USP33: variants seen among roughly 807,000 people sequenced by gnomAD.
USP33 encodes ubiquitin carboxyl-terminal hydrolase 33.
Under a neutral mutation model 124.2 loss-of-function variants are expected in USP33, and 46 were observed. The ratio of observed to expected loss-of-function variants is 0.37; its 90% CI spans 0.29 to 0.47. The LOEUF is 0.47. Ranked by LOEUF, USP33 falls within the 20% of genes least tolerant of loss-of-function variation. USP33 has a pLI of 0.99. For missense variants in USP33, 851 were observed against 1,070.6 expected, an observed-to-expected ratio of 0.79 and a Z score of 2.86; for synonymous variants, 350 against 352.3, an observed-to-expected ratio of 0.99 and a Z score of 0.07.
At chr1:77,727,051 A>G (rs1018326653) in intron 10 of USP33, among the ~76,000 whole-genome samples, 5 of 152,230 alleles carry the variant, frequency 3.3e-5, no homozygotes, top group Non-Finnish European at 7.3e-5. Context: ...GCATTTCTCA[A>G]TATTTCAATC....
At chr1:77,735,431 T>C (rs1484471331) in intron 6 of USP33, among the ~76,000 whole-genome samples, 1 of 152,126 alleles carries the variant, frequency 6.6e-6, no homozygotes, top group Non-Finnish European at 1.5e-5. Context: ...TCCAGTAAAA[T>C]TAATAGTGTG....
intron 1 of USP33, among the ~76,000 whole-genome samples, chr1:77,750,403 C>A (rs1385158324): frequency 6.6e-6 from 1 of 151,658 alleles, no homozygotes; most frequent in Non-Finnish European, 1.5e-5. Flanking sequence ...GAGGCCAAGG[C>A]GGGAAGATCA....
chr1:77,719,662 G>C (rs1489034517), intron 15 of USP33, among the ~76,000 whole-genome samples: 1 of 151,928 alleles, frequency 6.6e-6, no homozygotes, highest in Non-Finnish European at 1.5e-5. Flanking sequence ...AGACCAGCCT[G>C]ACCAATATGG....
chr1:77,716,955 T>C (rs563287076), intron 17 of USP33, among the ~76,000 whole-genome samples: 2 of 151,538 alleles, frequency 1.3e-5, no homozygotes, highest in South Asian at 4.2e-4. Flanking sequence ...AACCTCCACC[T>C]TCCAGGTTCA....
chr1:77,699,530 A>T (rs1415877207), intron 22 of USP33, among the ~76,000 whole-genome samples: 1 of 152,162 alleles, frequency 6.6e-6, no homozygotes. Context: ...AAAAAGAGAG[A>T]GTCAAGAAAC....
intron 21 of USP33, among the ~76,000 whole-genome samples, chr1:77,706,977 C>G (rs1464072112): frequency 1.3e-5 from 2 of 152,164 alleles, no homozygotes; most frequent in African/African-American, 4.8e-5. Context: ...GTTGAGACAG[C>G]CCCCTGGCCA....
At chr1:77,742,290 C>A (rs1386643637) in intron 1 of USP33, among the ~76,000 whole-genome samples, 1 of 152,140 alleles carries the variant, frequency 6.6e-6, no homozygotes, top group African/African-American at 2.4e-5. Context: ...GATCCCGGCA[C>A]TATTGACACT....
In USP33 at chr1:77,759,661, G is replaced by C. The variant is rs1681143396; in HGVS notation, c.-70C>G. 5.0e-6 allele frequency: 2 copies of C among 399,142 alleles called. No homozygotes were observed. The highest frequency in any genetic ancestry group is 4.4e-5 in the Admixed American group (1 of 22,710). 24.7% of individuals were successfully genotyped at this position (399,142 alleles called of 1,614,324 possible). A position where few individuals can be genotyped will look rare whatever the true frequency, so the allele number is the denominator to read the frequency against. Reference sequence around the variant, plus strand: ...CGCTCACCTCCACGGCCTGGCCCGCGGGACCCGCCAGCTCGACCAACAACG... The same window carrying C: ...CGCTCACCTCCACGGCCTGGCCCGCCGGACCCGCCAGCTCGACCAACAACG... On this transcript the variant is annotated 5_prime_UTR_variant, in exon 1 of 24. Coordinates refer to ENST00000370794, the MANE Select transcript of USP33 (RefSeq NM_201624.3).
chr1:77,752,886 T>C (rs888311871), intron 1 of USP33, among the ~76,000 whole-genome samples: 1 of 152,042 alleles, frequency 6.6e-6, no homozygotes, highest in African/African-American at 2.4e-5. Flanking sequence ...ATTACCAGCC[T>C]AGCCAACATG....
chr1:77,697,349 CT>C lies in USP33; in HGVS notation c.2703del (p.Glu902LysfsTer5), dbSNP rs760682026. On this transcript the variant is annotated frameshift_variant, in exon 24 of 24. Transcript: ENST00000370794. LOFTEE classifies it high-confidence loss of function. Reference protein sequence around the residue: ...VHVDPDILQAEEKIEVETRSL With the variant: ...VHVDPDILQAXEKIEVETRSL ...GACCGAGTTTCTACTTCAATTTTTT[CT>C]TCTGCTTGAAGTATATCTGGATCAA... 4 of 1,602,658 alleles carry C rather than the reference CT, an allele frequency of 2.5e-6. No individual in the cohort carries two copies. The South Asian group carries it at 4.5e-5, about 18-fold the overall frequency.
In USP33 at chr1:77,740,868, T is replaced by C. The variant is rs892334233; in HGVS notation, c.198+9A>G. 2.6e-6 allele frequency: 4 copies of C among 1,553,624 alleles called. No homozygotes were observed. Among genetic ancestry groups the C allele is most frequent in the African/African-American group, 2.7e-5 (2 of 73,006 alleles). Reference sequence around the variant, plus strand: ...AACAAGTCTTCCATTAAATTTTTTATATACATACCTGAGAATGTATGGTGC... The same window carrying C: ...AACAAGTCTTCCATTAAATTTTTTACATACATACCTGAGAATGTATGGTGC... On this transcript the variant is annotated intron_variant, in intron 4 of 23. Transcript: ENST00000370794.
chr1:77,755,475 C>A (rs1680716785), intron 1 of USP33, among the ~76,000 whole-genome samples: 1 of 152,166 alleles, frequency 6.6e-6, no homozygotes, highest in African/African-American at 2.4e-5. Context: ...GTGGGAGGGT[C>A]ACTTGAGGTC....
chr1:77,697,705 A>AT, intron 23 of USP33, 158 bp downstream of exon 23: 4 of 928,784 alleles, frequency 4.3e-6, no homozygotes, highest in East Asian at 2.6e-5. Flanking sequence ...CTTTCCTCAG[A>AT]TAAAAAAAAA....
chr1:77,742,327 G>A (rs1297791831), intron 1 of USP33, among the ~76,000 whole-genome samples: 1 of 152,124 alleles, frequency 6.6e-6, no homozygotes, highest in African/African-American at 2.4e-5. Context: ...TTCGCTGTGA[G>A]GGATTGTCCT....
At chr1:77,747,911 A>T (rs1679899645) in intron 1 of USP33, among the ~76,000 whole-genome samples, 1 of 152,162 alleles carries the variant, frequency 6.6e-6, no homozygotes, top group African/African-American at 2.4e-5. Flanking sequence ...TCTTTTATTA[A>T]ATCTGCACAT....
At chr1:77,724,786 G>A (rs943862722) in intron 11 of USP33, among the ~76,000 whole-genome samples, 10 of 152,162 alleles carry the variant, frequency 6.6e-5, no homozygotes, top group African/African-American at 2.4e-4. Flanking sequence ...GGCCGGGCAT[G>A]GTGGCTCATG....
chr1:77,724,604 C>T (rs1366200137), intron 11 of USP33, among the ~76,000 whole-genome samples: 1 of 152,086 alleles, frequency 6.6e-6, no homozygotes, highest in Non-Finnish European at 1.5e-5. Flanking sequence ...ACATAAAACC[C>T]AGTAACCCCA....
At chr1:77,715,357 C>T (rs1675756398) in intron 18 of USP33, among the ~76,000 whole-genome samples, 2 of 152,122 alleles carry the variant, frequency 1.3e-5, no homozygotes, top group Non-Finnish European at 2.9e-5. Context: ...CAGGCACCTG[C>T]CACCACACCT....
chr1:77,714,285 T>C (rs1675621299), intron 19 of USP33, among the ~76,000 whole-genome samples: 1 of 152,208 alleles, frequency 6.6e-6, no homozygotes, highest in Non-Finnish European at 1.5e-5. Flanking sequence ...AGGAGCTCAC[T>C]GTAATGTAAA....
Sources: gnomAD v4.1 joint callset for allele counts (sites outside exome capture counted in the v4.1 genomes callset) on GRCh38, gnomAD v4.1.1 for gene constraint, MANE v1.5 for transcripts, NCBI Gene and HGNC (gene_info 2026-07-23, HGNC 2026-07-21) for gene names.